RBM10: variants seen among roughly 807,000 people sequenced by gnomAD.
RBM10 encodes the protein RNA binding motif protein 10.
In RBM10, 1 loss-of-function variant was observed where a neutral mutation model predicts 84.9. The ratio of observed to expected loss-of-function variants is 0.01; its 90% CI spans 0.00 to 0.06. RBM10 has a LOEUF of 0.06. RBM10 is among the 10% of genes least tolerant of loss of function. The probability of loss-of-function intolerance (pLI) is 1.00; values close to 1 mark genes in which losing one functional copy is unlikely to be tolerated. For synonymous variants in RBM10, 326 were observed against 344.5 expected, an observed-to-expected ratio of 0.95 and a Z score of 0.60; for missense variants, 438 against 839.0, an observed-to-expected ratio of 0.52 and a Z score of 5.90.
Position 47,185,159 on chromosome X carries a change from G to A in RBM10, c.2055G>A (p.Arg685=). Residue 685 remains arginine (R), a synonymous_variant, in exon 18 of 24, where the codon CGG becomes CGA. Transcript: ENST00000377604. ...GCTCCCTGCGAGATGACGAGAGGCG[G>A]GAGTCAGCCACTGCAGATGCTGGCT... is the stretch of plus-strand genomic sequence containing the variant. ...PISSLRDDER[R]ESATADAGYA... is the part of the protein sequence containing the mutation. 8.2e-7 allele frequency: 1 copy of A among 1,212,317 alleles called. No individual in the cohort carries two copies. The highest frequency in any genetic ancestry group is 1.1e-6 in the Non-Finnish European group (1 of 895,622).
In RBM10 at chrX:47,180,696, G is replaced by A. The variant is rs782536516; in HGVS notation, c.1248+190G>A. Among the ~76,000 whole-genome samples the A allele has an allele frequency of 7.2e-5, 8 of 111,323 alleles. No homozygotes were observed. In the South Asian group the frequency reaches 2.6e-3, roughly 37 times the overall value. On this transcript the variant is annotated intron_variant, in intron 12 of 23. Coordinates refer to ENST00000377604, the MANE Select transcript of RBM10 (RefSeq NM_005676.5). ...TGGGACATTCCCCTTCATCATCACC[G>A]CAGCTTTCTTCCCAATTGCCTCCCA...
chrX:47,185,842 C>G (rs1556782251), intron 21 of RBM10, 52 bp downstream of exon 21: 4 of 1,197,842 alleles, frequency 3.3e-6, no homozygotes, highest in African/African-American at 1.7e-5. Flanking sequence ...TTCCAAGTCC[C>G]CATCACCTCA....
intron 2 of RBM10, among the ~76,000 whole-genome samples, chrX:47,166,992 G>T (rs1556769430): frequency 2.8e-5 from 3 of 108,663 alleles, no homozygotes; most frequent in Non-Finnish European, 1.9e-5. Context: ...AGCCAGGATG[G>T]TCTCTATCTC....
chrX:47,179,867 C>T lies in RBM10; in HGVS notation c.902-13C>T. On this transcript the variant is annotated splice_polypyrimidine_tract_variant and intron_variant, in intron 9 of 23. Coordinates refer to ENST00000377604, the MANE Select transcript of RBM10 (RefSeq NM_005676.5). ...GCCAGGGGTGTCCTCTAACATTGGG[C>T]CCCTTCCCACAGCCATCATTTTGCG... The T allele has an allele frequency of 8.3e-7, 1 of 1,199,669 alleles. No individual in the cohort carries two copies. Among genetic ancestry groups the T allele is most frequent in the Non-Finnish European group, 1.1e-6 (1 of 889,514 alleles).
intron 2 of RBM10, among the ~76,000 whole-genome samples, chrX:47,148,588 G>A (rs1464081472): frequency 9.5e-6 from 1 of 105,029 alleles, no homozygotes; most frequent in African/African-American, 3.5e-5. Context: ...TGTTTGATAT[G>A]TATCCTTCTA....
intron 2 of RBM10, among the ~76,000 whole-genome samples, chrX:47,161,089 A>G (rs1556766641): frequency 6.4e-5 from 7 of 109,651 alleles, no homozygotes; most frequent in Non-Finnish European, 1.9e-5. Context: ...ACACACAGCT[A>G]ATTTCTTTCT....
intron 7 of RBM10, 128 bp downstream of exon 7, chrX:47,176,714 GTC>G (rs59489451): frequency 0.15 from 113,275 of 771,433 alleles, no homozygotes; most frequent in East Asian, 0.23. Flanking sequence ...CTCTCCCTCT[GTC>G]TCTCTCTCTC....
At chrX:47,155,142 C>T (rs1450586077) in intron 2 of RBM10, among the ~76,000 whole-genome samples, 1 of 89,627 alleles carries the variant, frequency 1.1e-5, no homozygotes, top group East Asian at 3.5e-4. Flanking sequence ...GCGAGACTCC[C>T]TCTCAAAAAA....
At chrX:47,163,437 T>A (rs1175831733) in intron 2 of RBM10, among the ~76,000 whole-genome samples, 2 of 112,179 alleles carry the variant, frequency 1.8e-5, no homozygotes, top group African/African-American at 6.5e-5. Context: ...AATGTAAAAT[T>A]ATTTCAAAAT....
At chrX:47,179,654 C>A in intron 9 of RBM10, 159 bp downstream of exon 9, 1 of 776,311 alleles carries the variant, frequency 1.3e-6, no homozygotes, top group Non-Finnish European at 1.9e-6. Flanking sequence ...GTGGCAACAT[C>A]CCACCTGACT....
chrX:47,182,245 C>T lies in RBM10; in HGVS notation c.1869C>T (p.Ala623=), dbSNP rs187986081. 2.1e-5 allele frequency: 25 copies of T among 1,210,073 alleles called. No individual in the cohort carries two copies. Among genetic ancestry groups the T allele is most frequent in the East Asian group, 8.9e-5 (3 of 33,755 alleles). ...ATGTTCCCGCCCTGGAGCAGTCGGC[C>T]GACGGACATAAGGAGACAGGGGCAC... ...RTYVPALEQS[A]DGHKETGAPS... Residue 623 remains alanine (A), a synonymous_variant, in exon 17 of 24, where the codon GCC becomes GCT. Transcript: ENST00000377604.
intron 2 of RBM10, among the ~76,000 whole-genome samples, chrX:47,160,188 G>A (rs1217587330): frequency 4.5e-5 from 5 of 111,940 alleles, no homozygotes; most frequent in African/African-American, 9.7e-5. Flanking sequence ...TGCCCTCCTC[G>A]ATACAGGGTT....
At chrX:47,151,519 C>T (rs1161163152) in intron 2 of RBM10, among the ~76,000 whole-genome samples, 3 of 111,455 alleles carry the variant, frequency 2.7e-5, no homozygotes, top group Non-Finnish European at 5.6e-5. Context: ...TAGTATTGTC[C>T]AGGACTTTTA....
chrX:47,170,405 T>C (rs1248421940), intron 3 of RBM10, among the ~76,000 whole-genome samples: 8 of 113,172 alleles, frequency 7.1e-5, no homozygotes, highest in African/African-American at 2.6e-4. Context: ...AGTCCTGGAA[T>C]GGATGGATTG....
chrX:47,175,513 C>T (rs1935069932), intron 6 of RBM10, among the ~76,000 whole-genome samples: 1 of 111,585 alleles, frequency 9.0e-6, no homozygotes, highest in African/African-American at 3.3e-5. Flanking sequence ...AGGAGCTTAG[C>T]TATTGGCACA....
intron 2 of RBM10, among the ~76,000 whole-genome samples, chrX:47,149,667 G>A (rs1556763056): frequency 9.0e-6 from 1 of 111,154 alleles, no homozygotes; most frequent in Non-Finnish European, 1.9e-5. Context: ...GCACAGTGCT[G>A]TATTTTTAAC....
chrX:47,154,169 CTCA>C (rs1932912562), intron 2 of RBM10, among the ~76,000 whole-genome samples: 1 of 111,713 alleles, frequency 9.0e-6, no homozygotes, highest in Non-Finnish European at 1.9e-5. Flanking sequence ...TGTGAAGATC[CTCA>C]TATATGATGA....
intron 2 of RBM10, among the ~76,000 whole-genome samples, chrX:47,155,730 CA>C (rs1245227933): frequency 0.016 from 457 of 28,798 alleles, 1 homozygote; most frequent in Middle Eastern, 0.02. Context: ...GACTCCATCT[CA>C]AAAAAAAAAA....
intron 7 of RBM10, among the ~76,000 whole-genome samples, chrX:47,178,111 C>G (rs1198013027): frequency 9.0e-6 from 1 of 111,149 alleles, no homozygotes; most frequent in Non-Finnish European, 1.9e-5. Flanking sequence ...TTCTCCCACG[C>G]CCTCACCTGG....
Sources: gnomAD v4.1 joint callset for allele counts (sites outside exome capture counted in the v4.1 genomes callset) on GRCh38, gnomAD v4.1.1 for gene constraint, MANE v1.5 for transcripts, NCBI Gene and HGNC (gene_info 2026-07-23, HGNC 2026-07-21) for gene names.